PLEKHJ1: variants seen among roughly 807,000 people sequenced by gnomAD.
The protein encoded by PLEKHJ1 is pleckstrin homology domain containing J1.
PLEKHJ1 carries 20 observed loss-of-function variants against 21.7 expected under a neutral mutation model. The observed-to-expected ratio is 0.92, with a 90% CI of 0.65 to 1.34. The LOEUF is 1.34. Ranked by LOEUF, PLEKHJ1 falls within the 40% of genes most tolerant of loss-of-function variation. PLEKHJ1 has a pLI of 0.00. For synonymous variants in PLEKHJ1, 113 were observed against 80.6 expected, an observed-to-expected ratio of 1.40 and a Z score of -2.15; for missense variants, 241 against 202.0, an observed-to-expected ratio of 1.19 and a Z score of -1.17.
At chr19:2,231,238 C>T (rs1406050480), downstream of PLEKHJ1, 1 of 227,740 alleles carries the variant, frequency 4.4e-6, no homozygotes, top group Non-Finnish European at 8.7e-6. Context: ...GCTGAGCCCA[C>T]CTTCTCAAGT....
At chr19:2,234,497 G>C (rs1012566391) in intron 3 of PLEKHJ1, 8 of 449,544 alleles carry the variant, frequency 1.8e-5, no homozygotes, top group African/African-American at 1.6e-4. Flanking sequence ...GATTGCTTGA[G>C]CTCAGGAGTT....
At chr19:2,234,268 C>G (rs745537181) in intron 3 of PLEKHJ1, 28 bp from the exon 4 acceptor site, 1 of 1,558,840 alleles carries the variant, frequency 6.4e-7, no homozygotes, top group African/African-American at 1.3e-5. Context: ...GTGGTCGGTC[C>G]TACCCACAGC....
At chr19:2,230,035 T>C, downstream of PLEKHJ1, 1 of 657,098 alleles carries the variant, frequency 1.5e-6, no homozygotes, top group Non-Finnish European at 2.5e-6. Flanking sequence ...TCTGACTTAT[T>C]TTATTCCATC....
downstream of PLEKHJ1, chr19:2,230,957 G>A (rs1453444985): frequency 3.9e-6 from 1 of 258,702 alleles, no homozygotes; most frequent in Non-Finnish European, 7.3e-6. Context: ...TGGGGCCAGG[G>A]TGCACTGCTG....
In PLEKHJ1 at chr19:2,235,785, T is replaced by A. The variant is rs2024789806; in HGVS notation, c.206A>T (p.Glu69Val). The A allele has an allele frequency of 6.5e-7, 1 of 1,549,478 alleles. No individual in the cohort carries two copies. Among genetic ancestry groups the A allele is most frequent in the Non-Finnish European group, 8.7e-7 (1 of 1,146,884 alleles). The change falls in exon 3 of 6, where the codon GAA (glutamate) becomes GTA (valine). Residue 69 changes from glutamate to valine, a missense_variant. Physicochemically the swap from Glu to Val is moderately radical, Grantham distance 121. Coordinates refer to ENST00000326631, the MANE Select transcript of PLEKHJ1 (RefSeq NM_018049.3). ...LLLERCRVVREEPGTFSISFI... is the reference protein window; with the variant it reads ...LLLERCRVVRVEPGTFSISFI... ...ACTGATGGAGAAGGTGCCGGGCTCT[T>A]CCCGGACGACTCTGCAGCGCTCCAG... is the stretch of plus-strand genomic sequence containing the variant.
chr19:2,230,995 C>T (rs530813335), downstream of PLEKHJ1: 1 of 243,188 alleles, frequency 4.1e-6, no homozygotes, highest in Admixed American at 5.5e-5. Context: ...CCCTAGGCCC[C>T]AGGGTGACGT....
intron 3 of PLEKHJ1, chr19:2,234,946 G>A (rs2024747004): frequency 6.6e-6 from 1 of 152,176 alleles, no homozygotes; most frequent in Admixed American, 6.5e-5. Context: ...GTTACAGGGA[G>A]CCGAGATTGC....
downstream of PLEKHJ1, chr19:2,231,930 C>A (rs1021306608): frequency 9.3e-6 from 2 of 216,012 alleles, no homozygotes; most frequent in Admixed American, 1.2e-4. Flanking sequence ...TCTCCTTGAG[C>A]CCACTGGGTC....
downstream of PLEKHJ1, chr19:2,230,324 C>G (rs1280901769): frequency 2.4e-6 from 1 of 415,380 alleles, no homozygotes; most frequent in Admixed American, 4.1e-5. Context: ...TCGGAGGCCT[C>G]CCCGCGGCCT....
chr19:2,234,106 C>G, intron 4 of PLEKHJ1, 44 bp downstream of exon 4: 2 of 1,612,658 alleles, frequency 1.2e-6, no homozygotes, highest in South Asian at 2.2e-5. Context: ...CTCTGCATGG[C>G]TGCTGTGCCC....
intron 4 of PLEKHJ1, 27 bp from the exon 5 acceptor site, chr19:2,234,088 A>T: frequency 6.2e-7 from 1 of 1,613,304 alleles, no homozygotes; most frequent in Non-Finnish European, 8.5e-7. Flanking sequence ...CACGGGGTCA[A>T]ATGCCCGCTC....
In PLEKHJ1 at chr19:2,236,008, A is replaced by G; in HGVS notation, c.95-18T>C. On this transcript the variant is annotated intron_variant, in intron 1 of 5. Transcript: ENST00000326631. Reference sequence around the variant, plus strand: ...CTTCAGCACTGCGGGCACAGCGCGCACTCAGGGGCGCAGGCAGCCCCCGCC... The same window carrying G: ...CTTCAGCACTGCGGGCACAGCGCGCGCTCAGGGGCGCAGGCAGCCCCCGCC... 1.3e-6 allele frequency: 2 copies of G among 1,598,454 alleles called. No homozygotes were observed. The highest frequency in any genetic ancestry group is 1.1e-5 in the South Asian group (1 of 89,384).
Position 2,236,177 on chromosome 19 carries a change from C to T in PLEKHJ1, c.72G>A (p.Met24Ile), listed in dbSNP as rs952726346. The T allele has an allele frequency of 6.7e-6, 10 of 1,483,902 alleles. No homozygotes were observed. The highest frequency in any genetic ancestry group is 8.0e-6 in the Non-Finnish European group (9 of 1,119,500). 91.9% of individuals were successfully genotyped at this position (1,483,902 alleles called of 1,614,324 possible). Residue 24 changes from methionine (M) to isoleucine (I), a missense_variant, in exon 1 of 6, where the codon ATG (methionine) becomes ATA (isoleucine). By Grantham distance (10) the Met-to-Ile change is conservative. Coordinates refer to ENST00000326631, the MANE Select transcript of PLEKHJ1 (RefSeq NM_018049.3). ...QPAEMAAELG[M>I]RGPKKGSVLK... is the part of the protein sequence containing the mutation. ...CACCGCTGCCCTTCTTGGGGCCCCT[C>T]ATGCCCAGCTCGGCCGCCATCTCGG...
chr19:2,235,753 C>T lies in PLEKHJ1; in HGVS notation c.229+9G>A. The stretch of plus-strand genomic sequence containing the variant: ...GGGAAGCGCCGCTGGCTTCCCTAGC[C>T]CCACTCACTGATGGAGAAGGTGCCG... On this transcript the variant is annotated intron_variant, in intron 3 of 5. Coordinates refer to ENST00000326631, the MANE Select transcript of PLEKHJ1 (RefSeq NM_018049.3). 1 of 1,547,958 alleles carries T rather than the reference C, an allele frequency of 6.5e-7. No individual in the cohort carries two copies. The highest frequency in any genetic ancestry group is 1.2e-5 in the South Asian group (1 of 83,966).
rs2024788532 is a variant in PLEKHJ1, at chr19:2,235,764, A to T, written c.227T>A (p.Ile76Asn). Residue 76 changes from isoleucine (I) to asparagine (N), a missense_variant and splice_region_variant, in exon 3 of 6, where the codon ATC becomes AAC. By Grantham distance (149) the Ile-to-Asn change is moderately radical (BLOSUM62 -3). Coordinates refer to ENST00000326631, the MANE Select transcript of PLEKHJ1 (RefSeq NM_018049.3). ...CTGGCTTCCCTAGCCCCACTCACTGATGGAGAAGGTGCCGGGCTCTTCCCG... is the reference window on the plus strand; with the variant it reads ...CTGGCTTCCCTAGCCCCACTCACTGTTGGAGAAGGTGCCGGGCTCTTCCCG... ...VVREEPGTFSISFIEDPERKY... is the reference protein window; with the variant it reads ...VVREEPGTFSNSFIEDPERKY... 1.3e-6 allele frequency: 2 copies of T among 1,548,544 alleles called. No individual in the cohort carries two copies. The highest frequency in any genetic ancestry group is 3.9e-5 in the Admixed American group (2 of 50,970).
downstream of PLEKHJ1, chr19:2,230,359 G>A (rs913162402): frequency 5.1e-5 from 21 of 412,976 alleles, no homozygotes; most frequent in Non-Finnish European, 7.6e-5. Flanking sequence ...GCGCCCTGGC[G>A]CCTGCCCTGA....
intron 2 of PLEKHJ1, 22 bp downstream of exon 2, chr19:2,235,901 C>T (rs1293537689): frequency 6.2e-7 from 1 of 1,605,682 alleles, no homozygotes; most frequent in Non-Finnish European, 8.5e-7. Flanking sequence ...GGGACCCGCC[C>T]GCGCGCCCGG....
chr19:2,234,135 A>ACCGCCTGGCC lies in PLEKHJ1; in HGVS notation c.320+5_320+14dup, dbSNP rs529728581. 92 of 1,612,054 alleles carry ACCGCCTGGCC rather than the reference A, an allele frequency of 5.7e-5. No homozygotes were observed. In the East Asian group the frequency reaches 7.4e-4, roughly 13 times the overall value. ...TGTGCCCACCCCAGCAGTGCCCACCACCGCCTGGCCCCACCTGGCCCGACG... is the reference window on the plus strand; with the variant it reads ...TGTGCCCACCCCAGCAGTGCCCACCACCGCCTGGCCCCGCCTGGCCCCACCTGGCCCGACG... On this transcript the variant is annotated intron_variant, in intron 4 of 5. Coordinates refer to ENST00000326631, the MANE Select transcript of PLEKHJ1 (RefSeq NM_018049.3).
Position 2,233,604 on chromosome 19 carries a change from C to T in PLEKHJ1, c.*236G>A, listed in dbSNP as rs945778367. The T allele has an allele frequency of 2.9e-5, 16 of 552,338 alleles. No individual in the cohort carries two copies. Among genetic ancestry groups the T allele is most frequent in the East Asian group, 1.8e-4 (6 of 33,904 alleles). 34.2% of individuals were successfully genotyped at this position (552,338 alleles called of 1,614,324 possible). A position where few individuals can be genotyped will look rare whatever the true frequency, so the allele number is the denominator to read the frequency against. ...ATCCAGGTGTGATGGCCGGGTGTGG[C>T]GGCTCATGCCTGTGATCCCCGCTAC... On this transcript the variant is annotated 3_prime_UTR_variant, in exon 6 of 6. Transcript: ENST00000326631.
Sources: gnomAD v4.1 joint callset for allele counts on GRCh38, gnomAD v4.1.1 for gene constraint, MANE v1.5 for transcripts, NCBI Gene and HGNC (gene_info 2026-07-23, HGNC 2026-07-21) for gene names.